The following SMURF1 variants were observed in gnomAD, a reference collection of about 807,000 sequenced individuals.
The protein encoded by SMURF1 is SMAD specific E3 ubiquitin protein ligase 1.
In SMURF1, 44 loss-of-function variants were observed where a neutral mutation model predicts 98.0. The ratio of observed to expected loss-of-function variants is 0.45; its 90% CI spans 0.35 to 0.58. SMURF1 has a LOEUF of 0.58. SMURF1 is among the 20% of genes least tolerant of loss of function. SMURF1 has a pLI of 0.00. For missense variants in SMURF1, 687 were observed against 938.4 expected, an observed-to-expected ratio of 0.73 and a Z score of 3.50; for synonymous variants, 396 against 374.9, an observed-to-expected ratio of 1.06 and a Z score of -0.65.
At chr7:99,140,869 T>C (rs1055942227) in intron 1 of SMURF1, among the ~76,000 whole-genome samples, 9 of 152,162 alleles carry the variant, frequency 5.9e-5, no homozygotes, top group Non-Finnish European at 5.9e-5. Context: ...TTTTGAAAGA[T>C]TGCTTCTCAA....
chr7:99,035,188 C>T (rs1334716959), intron 16 of SMURF1, among the ~76,000 whole-genome samples: 1 of 152,232 alleles, frequency 6.6e-6, no homozygotes, highest in Non-Finnish European at 1.5e-5. Flanking sequence ...AGCTCCCTCC[C>T]CGGGATCTTG....
At chr7:99,101,479 A>T (rs1797079625) in intron 1 of SMURF1, among the ~76,000 whole-genome samples, 1 of 151,582 alleles carries the variant, frequency 6.6e-6, no homozygotes. Context: ...GCAGAGATTT[A>T]AACAGCAAAA....
chr7:99,110,648 G>A (rs117996903), intron 1 of SMURF1, among the ~76,000 whole-genome samples: 4,337 of 152,304 alleles, frequency 0.028, 81 homozygotes, highest in Non-Finnish European at 0.043. Flanking sequence ...CAACACCTAC[G>A]TAGGGAAGTC....
chr7:99,093,662 T>C (rs1344085796), intron 1 of SMURF1, among the ~76,000 whole-genome samples: 1 of 152,156 alleles, frequency 6.6e-6, no homozygotes, highest in Non-Finnish European at 1.5e-5. Flanking sequence ...TTATGACTAC[T>C]TTCCTCCTTG....
chr7:99,098,734 A>C (rs1797006790), intron 1 of SMURF1, among the ~76,000 whole-genome samples: 1 of 152,168 alleles, frequency 6.6e-6, no homozygotes. Flanking sequence ...GGGAAACTGC[A>C]GAATTTAGCT....
chr7:99,057,322 A>C, intron 4 of SMURF1, 52 bp from the exon 5 acceptor site: 1 of 1,613,856 alleles, frequency 6.2e-7, no homozygotes, highest in Non-Finnish European at 8.5e-7. Context: ...CTAGGGAGGA[A>C]GGCAGGAATT....
chr7:99,101,748 T>C (rs2150590879), intron 1 of SMURF1, among the ~76,000 whole-genome samples: 1 of 152,294 alleles, frequency 6.6e-6, no homozygotes, highest in African/African-American at 2.4e-5. Flanking sequence ...GAAACCAGCC[T>C]GGCCACTGTA....
chr7:99,099,078 G>A (rs1797014843), intron 1 of SMURF1, among the ~76,000 whole-genome samples: 1 of 152,182 alleles, frequency 6.6e-6, no homozygotes, highest in African/African-American at 2.4e-5. Flanking sequence ...ATGCATTCAG[G>A]GAAATGTGTT....
At position 99,107,532 on chromosome 7, in the gene SMURF1, CAT is replaced by C. The variant is rs1415444985; in HGVS notation, c.55+36192_55+36193del. 7.9e-5 allele frequency among the ~76,000 whole-genome samples: 12 copies of C among 152,348 alleles called. No individual in the cohort carries two copies. The East Asian group carries it at 1.7e-3, about 22-fold the overall frequency. On this transcript the variant is annotated intron_variant, in intron 1 of 17. Transcript: ENST00000361368. ...TCATTGATTCCTTAAGATCCAGACT[CAT>C]GAGGAGCTCCTAGAAATCGCTCGGA...
intron 15 of SMURF1, among the ~76,000 whole-genome samples, chr7:99,036,726 G>C (rs1243452822): frequency 6.6e-6 from 1 of 152,164 alleles, no homozygotes; most frequent in Non-Finnish European, 1.5e-5. Context: ...AAAGCAGTAA[G>C]ATGCTCTTGT....
intron 9 of SMURF1, chr7:99,049,090 C>CAAA (rs548044588): frequency 4.3e-5 from 3 of 69,478 alleles, no homozygotes; most frequent in African/African-American, 1.1e-4. Context: ...GACTCTGTCT[C>CAAA]AAAAAAAAAA....
chr7:99,100,510 C>T (rs1797053739), intron 1 of SMURF1, among the ~76,000 whole-genome samples: 3 of 152,090 alleles, frequency 2.0e-5, no homozygotes. Context: ...GCCAAGATCG[C>T]ACCACTTCAT....
At chr7:99,056,606 C>A (rs751232992) in intron 5 of SMURF1, among the ~76,000 whole-genome samples, 1 of 152,138 alleles carries the variant, frequency 6.6e-6, no homozygotes, top group African/African-American at 2.4e-5. Context: ...TTGGATAATA[C>A]GGTCAAAAAT....
At chr7:99,129,073 A>G (rs1797805482) in intron 1 of SMURF1, among the ~76,000 whole-genome samples, 1 of 152,232 alleles carries the variant, frequency 6.6e-6, no homozygotes, top group African/African-American at 2.4e-5. Flanking sequence ...TATATTTATG[A>G]GTATGCAAAC....
chr7:99,087,167 T>C (rs1305623637), intron 1 of SMURF1, among the ~76,000 whole-genome samples: 1 of 151,944 alleles, frequency 6.6e-6, no homozygotes, highest in East Asian at 1.9e-4. Context: ...CTCAGGAGTT[T>C]GAGACCAGCC....
chr7:99,125,105 G>A (rs967131952), intron 1 of SMURF1, among the ~76,000 whole-genome samples: 5 of 151,668 alleles, frequency 3.3e-5, no homozygotes, highest in African/African-American at 1.2e-4. Context: ...TCGAGACAGG[G>A]TCTTACTCTG....
chr7:99,054,507 C>T (rs1325757720), intron 6 of SMURF1, among the ~76,000 whole-genome samples: 1 of 151,900 alleles, frequency 6.6e-6, no homozygotes, highest in East Asian at 1.9e-4. Flanking sequence ...GGGGTTTCAC[C>T]GTATTAGCCA....
At chr7:99,050,894 TGGG>T in intron 8 of SMURF1, 9 of 1,314,350 alleles carry the variant, frequency 6.8e-6, no homozygotes, top group Non-Finnish European at 9.3e-6. Context: ...TGTTATGGGG[TGGG>T]GGGGGGGTCT....
At position 99,030,622 on chromosome 7, in the gene SMURF1, T is replaced by G. The variant is rs763743749; in HGVS notation, c.2158A>C (p.Thr720Pro). The G allele has an allele frequency of 6.2e-7, 1 of 1,614,172 alleles. No individual in the cohort carries two copies. Among genetic ancestry groups the G allele is most frequent in the Non-Finnish European group, 8.5e-7 (1 of 1,180,030 alleles). The change falls in exon 18 of 18, where the codon ACA (threonine) becomes CCA (proline). Residue 720 changes from threonine (T) to proline (P), a missense_variant. Transcript: ENST00000361368. ...AACCCGCAGGTCTCCTCCACGGCTG[T>G]CAGCAGCTTCTCGTAGAGCTTCTCA... ...SYEKLYEKLLTAVEETCGFAV... is the reference protein window; with the variant it reads ...SYEKLYEKLLPAVEETCGFAV...
Sources: allele counts gnomAD v4.1 joint callset (sites outside exome capture counted in the v4.1 genomes callset), GRCh38; gene constraint gnomAD v4.1.1; transcripts MANE v1.5; gene names NCBI Gene and HGNC (gene_info 2026-07-23, HGNC 2026-07-21).